Variants in DRC9 observed in about 807,000 individuals in gnomAD.
The protein encoded by DRC9 is dynein regulatory complex subunit 9.
the DRC9 span, among the ~76,000 whole-genome samples, chr3:197,906,082 TC>T: frequency 6.6e-6 from 1 of 152,268 alleles, no homozygotes; most frequent in African/African-American, 2.4e-5. Context: ...CAAATCCACC[TC>T]TTTGCTTTGT....
At chr3:197,943,677 G>C in the DRC9 span, 2 of 1,047,686 alleles carry the variant, frequency 1.9e-6, no homozygotes, top group East Asian at 2.4e-5. Flanking sequence ...AAGAGAGAGA[G>C]AGAAAGAAAG....
chr3:197,922,713 A>AAAAT, the DRC9 span, among the ~76,000 whole-genome samples: 9,963 of 100,920 alleles, frequency 0.099, 398 homozygotes, highest in African/African-American at 0.2. Context: ...CTCAAAAATA[A>AAAAT]AAATAAATAA....
the DRC9 span, chr3:197,953,576 T>C: frequency 2.2e-6 from 1 of 457,896 alleles, no homozygotes; most frequent in Non-Finnish European, 4.4e-6. Flanking sequence ...CATCCCGTGA[T>C]CACTTCATGG....
At chr3:197,955,464 A>G in the DRC9 span, among the ~76,000 whole-genome samples, 1 of 152,048 alleles carries the variant, frequency 6.6e-6, no homozygotes, top group Non-Finnish European at 1.5e-5. Flanking sequence ...GGGTTTTACC[A>G]TGTTGGCCAG....
the DRC9 span, among the ~76,000 whole-genome samples, chr3:197,895,486 GATCTCAA>G: frequency 6.6e-6 from 1 of 152,048 alleles, no homozygotes; most frequent in African/African-American, 2.4e-5. Context: ...TGCCCAGGCT[GATCTCAA>G]ACTCCCAAGC....
the DRC9 span, among the ~76,000 whole-genome samples, chr3:197,948,951 ACTTT>A: frequency 6.6e-6 from 1 of 152,170 alleles, no homozygotes; most frequent in Non-Finnish European, 1.5e-5. Context: ...CAACACAGTG[ACTTT>A]GTCAATATAG....
the DRC9 span, among the ~76,000 whole-genome samples, chr3:197,936,779 A>G: frequency 4.6e-5 from 7 of 152,212 alleles, no homozygotes; most frequent in Non-Finnish European, 7.3e-5. Context: ...TCTAAAACTA[A>G]TCCCCTACAA....
At chr3:197,954,366 C>G in the DRC9 span, 1 of 587,364 alleles carries the variant, frequency 1.7e-6, no homozygotes, top group Non-Finnish European at 3.0e-6. Flanking sequence ...CAGGGTCTCA[C>G]TTTGTCACCC....
At chr3:197,950,777 G>A in the DRC9 span, 1 of 650,418 alleles carries the variant, frequency 1.5e-6, no homozygotes, top group Admixed American at 2.8e-5. Context: ...TGTCTTGCCG[G>A]ACCCTGCGTT....
chr3:197,937,821 C>T, the DRC9 span, among the ~76,000 whole-genome samples: 95 of 152,102 alleles, frequency 6.2e-4, no homozygotes, highest in African/African-American at 2.3e-3. Flanking sequence ...TGGCTGTAGT[C>T]CCAGCTATGT....
At chr3:197,912,837 G>T in the DRC9 span, 2 of 1,046,008 alleles carry the variant, frequency 1.9e-6, no homozygotes, top group Non-Finnish European at 3.0e-6. Flanking sequence ...TCGGTCGGTA[G>T]CTGAGGCTCC....
chr3:197,912,638 A>G, the DRC9 span: 3 of 1,494,132 alleles, frequency 2.0e-6, no homozygotes, highest in Non-Finnish European at 2.8e-6. Flanking sequence ...AGAGTACAAA[A>G]AAAAAGTCAA....
the DRC9 span, chr3:197,959,867 T>C: frequency 3.5e-6 from 1 of 285,710 alleles, no homozygotes. Context: ...AGGACTACAC[T>C]GAAAGATTTT....
At chr3:197,912,324 G>A in the DRC9 span, among the ~76,000 whole-genome samples, 2 of 152,194 alleles carry the variant, frequency 1.3e-5, no homozygotes, top group Non-Finnish European at 2.9e-5. Flanking sequence ...ACAGGCGTGA[G>A]CCACTGTGCC....
the DRC9 span, among the ~76,000 whole-genome samples, chr3:197,952,899 C>T: frequency 1.3e-5 from 2 of 151,300 alleles, no homozygotes; most frequent in African/African-American, 2.4e-5. Context: ...GTGGTGTGAT[C>T]TCAGCTCACT....
At chr3:197,891,244 C>T in the DRC9 span, among the ~76,000 whole-genome samples, 1 of 152,180 alleles carries the variant, frequency 6.6e-6, no homozygotes, top group Admixed American at 6.5e-5. Flanking sequence ...AGATGAAGAG[C>T]TGGGGGCACG....
chr3:197,921,623 G>A, the DRC9 span, among the ~76,000 whole-genome samples: 2 of 151,900 alleles, frequency 1.3e-5, no homozygotes, highest in Non-Finnish European at 2.9e-5. Context: ...CATCTTGGTC[G>A]ACCCGACTAC....
At chr3:197,951,125 TTA>T in the DRC9 span, 5 of 1,613,874 alleles carry the variant, frequency 3.1e-6, no homozygotes, top group South Asian at 2.2e-5. Context: ...TTTTTGAAGC[TTA>T]TGTTTCATGT....
At chr3:197,914,139 A>G in the DRC9 span, 7 of 999,104 alleles carry the variant, frequency 7.0e-6, no homozygotes, top group African/African-American at 8.0e-5. Flanking sequence ...GTATAAATCA[A>G]TAAGGAACTG....
Sources: allele counts gnomAD v4.1 joint callset (sites outside exome capture counted in the v4.1 genomes callset), GRCh38; gene constraint gnomAD v4.1.1; transcripts MANE v1.5; gene names NCBI Gene and HGNC (gene_info 2026-07-23, HGNC 2026-07-21).